Variants in LRRC74A observed in about 807,000 individuals in gnomAD.
The protein encoded by LRRC74A is leucine rich repeat containing 74A, also known as leucine-rich repeat-containing protein 74A.
Under a neutral mutation model 57.9 loss-of-function variants are expected in LRRC74A, and 44 were observed. That is an observed-to-expected ratio of 0.76 (90% CI 0.60 to 0.98). The LOEUF (loss-of-function observed/expected upper bound fraction) is 0.98. Ranked by LOEUF, LRRC74A falls within the 50% of genes least tolerant of loss-of-function variation. The probability of loss-of-function intolerance (pLI) is 0.00; values close to 1 mark genes in which losing one functional copy is unlikely to be tolerated. For synonymous variants in LRRC74A, 211 were observed against 219.4 expected (o/e 0.96, Z 0.34); for missense variants, 572 against 574.0 (o/e 1.00, Z 0.04).
chr14:76,856,827 G>C (rs1897926652), intron 9 of LRRC74A, among the ~76,000 whole-genome samples: 1 of 151,836 alleles, frequency 6.6e-6, no homozygotes, highest in Non-Finnish European at 1.5e-5. Context: ...TGCATGGATG[G>C]ATGAGAGGTG....
At chr14:76,835,558 C>T (rs1235500328) in intron 3 of LRRC74A, among the ~76,000 whole-genome samples, 2 of 151,808 alleles carry the variant, frequency 1.3e-5, no homozygotes, top group Admixed American at 1.3e-4. Context: ...TGTCCAATTC[C>T]TTCCAAACAG....
chr14:76,858,481 C>A (rs1595390219), intron 10 of LRRC74A, among the ~76,000 whole-genome samples: 1 of 152,204 alleles, frequency 6.6e-6, no homozygotes, highest in East Asian at 1.9e-4. Context: ...TCTGCAAAGA[C>A]CCTGTTTCCA....
At chr14:76,850,253 G>C (rs191647949) in intron 7 of LRRC74A, among the ~76,000 whole-genome samples, 2 of 152,246 alleles carry the variant, frequency 1.3e-5, no homozygotes, top group Non-Finnish European at 2.9e-5. Context: ...TATCTCCATC[G>C]TACAGATAAG....
At chr14:76,840,572 A>T (rs1896681531) in intron 5 of LRRC74A, among the ~76,000 whole-genome samples, 3 of 145,508 alleles carry the variant, frequency 2.1e-5, no homozygotes, top group African/African-American at 2.5e-5. Context: ...TCATTAATCT[A>T]TTTATGTATT....
chr14:76,846,632 T>C (rs922056270), intron 7 of LRRC74A, among the ~76,000 whole-genome samples: 3 of 152,074 alleles, frequency 2.0e-5, no homozygotes, highest in Non-Finnish European at 4.4e-5. Flanking sequence ...ATTCAGAATA[T>C]ACTTTGGGGG....
intron 11 of LRRC74A, among the ~76,000 whole-genome samples, chr14:76,864,409 AAGGG>A (rs1464146451): frequency 0.016 from 13 of 826 alleles, no homozygotes; most frequent in African/African-American, 0.032. Flanking sequence ...GAGTGAGAGG[AAGGG>A]GGGGGGGGGG....
At position 76,826,577 on chromosome 14, in the gene LRRC74A, C is replaced by T. The variant is rs758461408; in HGVS notation, c.-121C>T. On this transcript the variant is annotated 5_prime_UTR_variant, in exon 1 of 14. Transcript: ENST00000689127. ...GATAACTGCAGGCTCCCCTGGGATG[C>T]CCCCAGGTGAGGGAAGTTCACAGAG... 3 of 1,612,280 alleles carry T rather than the reference C, an allele frequency of 1.9e-6. No homozygotes were observed. The African/African-American group carries it at 4.0e-5, about 22-fold the overall frequency.
At chr14:76,835,685 G>A (rs558889795) in intron 3 of LRRC74A, among the ~76,000 whole-genome samples, 1 of 152,124 alleles carries the variant, frequency 6.6e-6, no homozygotes, top group African/African-American at 2.4e-5. Context: ...AGGAGTTTGA[G>A]ATCAGCCTGG....
chr14:76,861,954 G>A (rs1467898077), intron 11 of LRRC74A, among the ~76,000 whole-genome samples: 1 of 152,220 alleles, frequency 6.6e-6, no homozygotes, highest in Admixed American at 6.5e-5. Context: ...AAATTGTTAT[G>A]TGAAAAATTC....
intron 6 of LRRC74A, 52 bp downstream of exon 6, chr14:76,844,524 C>G: frequency 3.2e-6 from 5 of 1,557,150 alleles, no homozygotes; most frequent in Middle Eastern, 1.8e-4. Flanking sequence ...CCTGGGAGAT[C>G]TGGGCAACCT....
Position 76,860,704 on chromosome 14 carries a change from G to A in LRRC74A, c.1065G>A (p.Val355=). 1 of 1,610,524 alleles carries A rather than the reference G, an allele frequency of 6.2e-7. No homozygotes were observed. The highest frequency in any genetic ancestry group is 8.5e-7 in the Non-Finnish European group (1 of 1,178,008). Residue 355 remains valine (V), a synonymous_variant, in exon 11 of 14, where the codon GTG becomes GTA. Coordinates refer to ENST00000689127, the MANE Select transcript of LRRC74A (RefSeq NM_001385106.1). ...MEELDISNVL[V]SEQFMKTLDG... is the part of the protein sequence containing the mutation. The stretch of plus-strand genomic sequence containing the variant: ...TCTCCCTGTCACAGAACGTGCTGGT[G>A]TCCGAGCAGTTCATGAAAACGTTGG...
In LRRC74A at chr14:76,857,364, G is replaced by T; in HGVS notation, c.958-16G>T. On this transcript the variant is annotated splice_polypyrimidine_tract_variant and intron_variant, in intron 9 of 13. Transcript: ENST00000689127. ...TCCCATCTCAGCCTCCTCTTGTCTT[G>T]ATTCTCCCTCTATAGCTTTTCCTGA... The T allele has an allele frequency of 1.3e-6, 2 of 1,539,126 alleles. No homozygotes were observed. The highest frequency in any genetic ancestry group is 1.8e-6 in the Non-Finnish European group (2 of 1,130,772).
At position 76,855,270 on chromosome 14, in the gene LRRC74A, TCAGA is replaced by T. The variant is rs761792222; in HGVS notation, c.957+1865_957+1868del. ...GGGGTGGAGCGGGGCCAGGCACAAC[TCAGA>T]CAGAGACTGACCCAGGCTGTGGGTG... On this transcript the variant is annotated intron_variant, in intron 9 of 13. Coordinates refer to ENST00000689127, the MANE Select transcript of LRRC74A (RefSeq NM_001385106.1). Among the ~76,000 whole-genome samples, 40 of 152,090 alleles carry T rather than the reference TCAGA, an allele frequency of 2.6e-4. No individual in the cohort carries two copies. The East Asian group carries it at 3.7e-3, about 14-fold the overall frequency.
rs370995005 is a variant in LRRC74A, at chr14:76,867,410, G to A, written c.1363G>A (p.Asp455Asn). ...YQVREVIKKL[D>N]EKTGMVNFSF... Reference sequence around the variant, plus strand: ...GGTCAGGGAGGTGATAAAGAAGCTCGATGAGAAGACAGGCATGGTGAACTT... The same window carrying A: ...GGTCAGGGAGGTGATAAAGAAGCTCAATGAGAAGACAGGCATGGTGAACTT... Residue 455 changes from aspartate to asparagine, a missense_variant, in exon 13 of 14, where the codon GAT (aspartate) becomes AAT (asparagine). Physicochemically the swap from Asp to Asn is conservative, Grantham distance 23. Transcript: ENST00000689127. 57 of 1,602,328 alleles carry A rather than the reference G, an allele frequency of 3.6e-5. No homozygotes were observed. Among genetic ancestry groups the A allele is most frequent in the East Asian group, 1.8e-4 (8 of 44,810 alleles).
intron 7 of LRRC74A, among the ~76,000 whole-genome samples, chr14:76,845,113 C>T (rs540918048): frequency 1.3e-5 from 2 of 152,326 alleles, no homozygotes; most frequent in South Asian, 4.1e-4. Context: ...TGCTTGAGCC[C>T]AGGAGTTCAA....
chr14:76,845,887 G>T (rs868050600), intron 7 of LRRC74A, among the ~76,000 whole-genome samples: 2 of 152,138 alleles, frequency 1.3e-5, no homozygotes, highest in Admixed American at 6.6e-5. Flanking sequence ...ATGTGGTGGT[G>T]CATGCCTGTA....
At chr14:76,828,906 C>T (rs1010384267) in intron 2 of LRRC74A, 13 of 818,376 alleles carry the variant, frequency 1.6e-5, no homozygotes, top group Non-Finnish European at 2.2e-5. Context: ...ATTCCATATC[C>T]CAGGCCCCTG....
intron 7 of LRRC74A, among the ~76,000 whole-genome samples, chr14:76,851,180 T>C (rs1443339167): frequency 6.6e-6 from 1 of 152,236 alleles, no homozygotes; most frequent in Non-Finnish European, 1.5e-5. Flanking sequence ...CCTGAGCCTC[T>C]GCTGGAGAGA....
chr14:76,867,212 G>A, intron 12 of LRRC74A, 144 bp from the exon 13 acceptor site: 1 of 330,850 alleles, frequency 3.0e-6, no homozygotes, highest in South Asian at 2.2e-5. Context: ...GGGGTGGGGT[G>A]TGTGTGTGTG....
Sources: allele counts gnomAD v4.1 joint callset (sites outside exome capture counted in the v4.1 genomes callset), GRCh38; gene constraint gnomAD v4.1.1; transcripts MANE v1.5; gene names NCBI Gene and HGNC (gene_info 2026-07-23, HGNC 2026-07-21).